The following TMEM67 variants were observed in gnomAD, a reference collection of about 807,000 sequenced individuals.
The protein encoded by TMEM67 is transmembrane protein 67.
TMEM67 carries 124 observed loss-of-function variants against 136.6 expected under a neutral mutation model. The ratio of observed to expected loss-of-function variants is 0.91; its 90% CI spans 0.78 to 1.05. TMEM67 has a LOEUF of 1.05. Ranked by LOEUF, TMEM67 falls within the 50% of genes least tolerant of loss-of-function variation. TMEM67 has a pLI of 0.00. For synonymous variants in TMEM67, 364 were observed against 390.5 expected (o/e 0.93, Z 0.80); for missense variants, 1,107 against 1,178.4 (o/e 0.94, Z 0.89).
chr8:93,778,075 T>A (rs1182872748), intron 7 of TMEM67, among the ~76,000 whole-genome samples: 1 of 152,218 alleles, frequency 6.6e-6, no homozygotes, highest in Non-Finnish European at 1.5e-5. Flanking sequence ...AGTTAGCTCT[T>A]CTTGTTGAAT....
intron 7 of TMEM67, among the ~76,000 whole-genome samples, chr8:93,779,106 A>G (rs1813691392): frequency 6.6e-6 from 1 of 151,878 alleles, no homozygotes; most frequent in Non-Finnish European, 1.5e-5. Context: ...CATTAATTTG[A>G]TCTTCAATTA....
chr8:93,812,346 A>G (rs1007958846), intron 26 of TMEM67, among the ~76,000 whole-genome samples: 3 of 151,602 alleles, frequency 2.0e-5, no homozygotes, highest in Non-Finnish European at 4.4e-5. Context: ...TCCAGGGCAT[A>G]GTGGCTCACA....
At chr8:93,767,885 G>T (rs576345568) in intron 6 of TMEM67, among the ~76,000 whole-genome samples, 7 of 109,900 alleles carry the variant, frequency 6.4e-5, no homozygotes, top group Non-Finnish European at 1.1e-4. Context: ...TTTTTTTTGA[G>T]ACGGAGTTTC....
chr8:93,761,035 G>A (rs531582945), intron 3 of TMEM67, among the ~76,000 whole-genome samples: 1 of 152,210 alleles, frequency 6.6e-6, no homozygotes, highest in East Asian at 1.9e-4. Flanking sequence ...TTTCGACCGG[G>A]CACAGTGGCT....
At position 93,795,970 on chromosome 8, in the gene TMEM67, T is replaced by A. The variant is rs201893408; in HGVS notation, c.1843T>A (p.Cys615Ser). Residue 615 changes from cysteine (C) to serine (S), a missense_variant, in exon 18 of 28, where the codon TGT becomes AGT. Cys to Ser is a moderately radical substitution (Grantham distance 112, BLOSUM62 -1). Coordinates refer to ENST00000453321, the MANE Select transcript of TMEM67 (RefSeq NM_153704.6). ...QEERFVTYVG[C>S]AFALKALQFL... ...AGAACGTTTTGTCACTTATGTTGGA[T>A]GTGCCTTTGCTCTGAAGGTAAGTTT... 3 of 1,613,190 alleles carry A rather than the reference T, an allele frequency of 1.9e-6. No individual in the cohort carries two copies. Among genetic ancestry groups the A allele is most frequent in the Non-Finnish European group, 2.5e-6 (3 of 1,179,154 alleles).
At chr8:93,831,283 C>T in the TMEM67 span, among the ~76,000 whole-genome samples, 1 of 152,130 alleles carries the variant, frequency 6.6e-6, no homozygotes, top group East Asian at 1.9e-4. Flanking sequence ...GAAAGAATGG[C>T]CAGGTTAACA....
chr8:93,775,067 T>C (rs1813480020), intron 7 of TMEM67, among the ~76,000 whole-genome samples: 1 of 152,232 alleles, frequency 6.6e-6, no homozygotes, highest in Admixed American at 6.5e-5. Context: ...TGTGAGATGC[T>C]ATCTCTTTGT....
chr8:93,822,385 C>T (rs1216459570), downstream of TMEM67, among the ~76,000 whole-genome samples: 2 of 152,202 alleles, frequency 1.3e-5, no homozygotes, highest in African/African-American at 2.4e-5. Flanking sequence ...ATACTGTTTA[C>T]TATGTAAAGT....
chr8:93,801,042 A>C (rs759130140), intron 21 of TMEM67, among the ~76,000 whole-genome samples: 3 of 151,974 alleles, frequency 2.0e-5, no homozygotes, highest in African/African-American at 4.8e-5. Flanking sequence ...AAAAAGAAAG[A>C]AGCAGCAGCA....
intron 7 of TMEM67, 133 bp from the exon 8 acceptor site, chr8:93,780,460 T>A (rs1813764859): frequency 1.1e-6 from 1 of 899,376 alleles, no homozygotes; most frequent in East Asian, 2.4e-5. Flanking sequence ...TTGATTATGC[T>A]GGGAGCTGCA....
chr8:93,791,328 A>G lies in TMEM67; in HGVS notation c.1575+9A>G, dbSNP rs1207098688. 3.2e-6 allele frequency: 5 copies of G among 1,570,102 alleles called. No homozygotes were observed. In the African/African-American group the frequency reaches 5.4e-5, roughly 17 times the overall value. On this transcript the variant is annotated intron_variant, in intron 15 of 27. Transcript: ENST00000453321. ...CACATGTCCAGACAGATGTAAGTTT[A>G]TTTTAACCTTTTAAAATATATACAG...
chr8:93,804,779 A>G lies in TMEM67; in HGVS notation c.2340A>G (p.Leu780=). The change falls in exon 23 of 28, where the codon TTA becomes TTG. Residue 780 remains leucine, a synonymous_variant. Coordinates refer to ENST00000453321, the MANE Select transcript of TMEM67 (RefSeq NM_153704.6). ...CSMSNISVFL[L]SHKCFGYYIH... ...TTTTATAGATATCAGTGTTTCTGTT[A>G]TCCCACAAATGTTTTGGATATTACA... is the stretch of plus-strand genomic sequence containing the variant. 1 of 1,596,582 alleles carries G rather than the reference A, an allele frequency of 6.3e-7. No homozygotes were observed. The highest frequency in any genetic ancestry group is 8.6e-7 in the Non-Finnish European group (1 of 1,164,642).
At chr8:93,798,425 C>CTGTA (rs1814716606) in intron 20 of TMEM67, among the ~76,000 whole-genome samples, 1 of 152,172 alleles carries the variant, frequency 6.6e-6, no homozygotes, top group African/African-American at 2.4e-5. Flanking sequence ...TGAACACTTA[C>CTGTA]TGTAGACTAT....
intron 26 of TMEM67, among the ~76,000 whole-genome samples, chr8:93,812,861 C>T (rs888003772): frequency 3.9e-5 from 6 of 152,076 alleles, no homozygotes; most frequent in African/African-American, 7.2e-5. Context: ...CTCAGCCTCC[C>T]AGGTGCTGGG....
At chr8:93,758,687 G>T in intron 3 of TMEM67, 111 bp downstream of exon 3, 1 of 930,036 alleles carries the variant, frequency 1.1e-6, no homozygotes, top group Non-Finnish European at 1.7e-6. Flanking sequence ...TAATATTTTT[G>T]CAGTGGCTCA....
intron 20 of TMEM67, among the ~76,000 whole-genome samples, chr8:93,798,942 A>AGTGTGTGTGTGTGTGTGTGTGT (rs35511670): frequency 7.0e-6 from 1 of 143,398 alleles, no homozygotes; most frequent in South Asian, 2.3e-4. Flanking sequence ...GTACTAAAGT[A>AGTGTGTGTGTGTGTGTGTGTGT]GTGTGTGTGT....
Position 93,782,322 on chromosome 8 carries a change from C to T in TMEM67, c.1066-73C>T, listed in dbSNP as rs144375346. 6,670 of 1,134,418 alleles carry T rather than the reference C, an allele frequency of 5.9e-3. 41 individuals are homozygous for T. Among genetic ancestry groups the T allele is most frequent in the Non-Finnish European group, 7.7e-3 (5,772 of 750,814 alleles). The allele number at this position is 1,134,418 out of a possible 1,614,324, so 70.3% of individuals were successfully genotyped here. A position where few individuals can be genotyped will look rare whatever the true frequency, so the allele number is the denominator to read the frequency against. ...ATTATGTAGAGCATATATCCATGTT[C>T]GGGTTTGAGAACTCTTGAGTATAAG... On this transcript the variant is annotated intron_variant, in intron 10 of 27. Transcript: ENST00000453321.
intron 21 of TMEM67, among the ~76,000 whole-genome samples, chr8:93,800,231 T>C (rs1048133761): frequency 8.5e-5 from 13 of 152,192 alleles, no homozygotes; most frequent in African/African-American, 2.9e-4. Context: ...TCTTATATTG[T>C]ATTAGTCACT....
chr8:93,790,594 C>T (rs1355635061), intron 14 of TMEM67, among the ~76,000 whole-genome samples: 3 of 152,202 alleles, frequency 2.0e-5, no homozygotes, highest in Admixed American at 6.5e-5. Context: ...CTTCATTTCC[C>T]AACCATTTAT....
Sources: allele counts gnomAD v4.1 joint callset (sites outside exome capture counted in the v4.1 genomes callset), GRCh38; gene constraint gnomAD v4.1.1; transcripts MANE v1.5; gene names NCBI Gene and HGNC (gene_info 2026-07-23, HGNC 2026-07-21).